Variants in LRRK1 observed in about 807,000 individuals in gnomAD.
LRRK1 encodes leucine rich repeat kinase 1, also known as leucine-rich repeat serine/threonine-protein kinase 1.
Under a neutral mutation model 209.1 loss-of-function variants are expected in LRRK1, and 113 were observed. That is an observed-to-expected ratio of 0.54 (90% CI 0.46 to 0.63). LRRK1 has a LOEUF of 0.63. Ranked by LOEUF, LRRK1 falls within the 30% of genes least tolerant of loss-of-function variation. The pLI, the probability that LRRK1 is intolerant of heterozygous loss-of-function variation, is 0.00. For missense variants in LRRK1, 2,284 were observed against 2,632.2 expected (o/e 0.87, Z 2.89); for synonymous variants, 1,144 against 1,099.7 (o/e 1.04, Z -0.80).
rs796799026 is a variant in LRRK1 at position 100,946,512 on chromosome 15, G to T, written c.97+21783G>T. Among the ~76,000 whole-genome samples the T allele has an allele frequency of 6.6e-5, 10 of 152,184 alleles. 1 individual carries two copies. Among genetic ancestry groups the T allele is most frequent in the African/African-American group, 2.4e-4 (10 of 41,506 alleles). On this transcript the variant is annotated intron_variant, in intron 2 of 33. Coordinates refer to ENST00000388948, the MANE Select transcript of LRRK1 (RefSeq NM_024652.6). ...ATTAGTCCAGGAAAGGTTTATTTGGGAATAGCATAGGGGTAACATATTGCT... is the reference window on the plus strand; with the variant it reads ...ATTAGTCCAGGAAAGGTTTATTTGGTAATAGCATAGGGGTAACATATTGCT...
At chr15:101,058,313 C>T (rs1442885563) in intron 29 of LRRK1, among the ~76,000 whole-genome samples, 172 bp downstream of exon 29, 1 of 152,142 alleles carries the variant, frequency 6.6e-6, no homozygotes, top group Non-Finnish European at 1.5e-5. Flanking sequence ...AGAAAGTCCA[C>T]ACAAAGAGAC....
intron 2 of LRRK1, among the ~76,000 whole-genome samples, chr15:100,926,886 T>C (rs1002110415): frequency 2.0e-5 from 3 of 152,100 alleles, no homozygotes; most frequent in Middle Eastern, 3.2e-3. Context: ...AGTTTCACCA[T>C]GTTGGCCAGG....
intron 2 of LRRK1, among the ~76,000 whole-genome samples, chr15:100,928,391 A>C (rs1333617873): frequency 6.6e-6 from 1 of 151,984 alleles, no homozygotes; most frequent in Non-Finnish European, 1.5e-5. Context: ...CTTCTCCTAG[A>C]CTTCCTGGGA....
At position 101,048,755 on chromosome 15, in the gene LRRK1, AATTTTGCTCGTGAGAGCGGCTCGTC is replaced by A. The variant is rs1434167533; in HGVS notation, c.3299+101_3299+125del. 4 of 1,086,532 alleles carry A rather than the reference AATTTTGCTCGTGAGAGCGGCTCGTC, an allele frequency of 3.7e-6. No homozygotes were observed. The African/African-American group carries it at 5.0e-5, about 13-fold the overall frequency. 67.3% of individuals were successfully genotyped at this position (1,086,532 alleles called of 1,614,324 possible). On this transcript the variant is annotated intron_variant, in intron 22 of 33. Coordinates refer to ENST00000388948, the MANE Select transcript of LRRK1 (RefSeq NM_024652.6). ...GATGCCTCATCCTCTTGGTGTCCAG[AATTTTGCTCGTGAGAGCGGCTCGTC>A]ATGGCAGCTTGCTAGAAATGTGAGG...
chr15:101,014,295 C>G, intron 10 of LRRK1, 21 bp from the exon 11 acceptor site: 1 of 1,542,064 alleles, frequency 6.5e-7, no homozygotes, highest in Non-Finnish European at 8.9e-7. Context: ...TAGCTTCTCT[C>G]TCCCTCCCTC....
chr15:101,065,955 T>C lies in LRRK1; in HGVS notation c.5518T>C (p.Ser1840Pro). 1 of 1,614,098 alleles carries C rather than the reference T, an allele frequency of 6.2e-7. No individual in the cohort carries two copies. The part of the protein sequence containing the change: ...IHQESLTDYC[S>P]MSSYSSSPPR... The stretch of plus-strand genomic sequence containing the variant: ...CCAGGAATCACTCACTGACTACTGC[T>C]CCATGTCCTCCTACTCCTCATCCCC... The change falls in exon 32 of 34, where the codon TCC becomes CCC. Residue 1840 changes from serine (S) to proline (P), a missense_variant. Transcript: ENST00000388948.
chr15:101,068,679 T>C lies in LRRK1; in HGVS notation c.5879T>C (p.Val1960Ala). 1 of 1,597,344 alleles carries C rather than the reference T, an allele frequency of 6.3e-7. No individual in the cohort carries two copies. Among genetic ancestry groups the C allele is most frequent in the Non-Finnish European group, 8.5e-7 (1 of 1,170,176 alleles). Residue 1960 changes from valine to alanine, a missense_variant, in exon 34 of 34, where the codon GTG becomes GCG. Physicochemically the swap from Val to Ala is moderately conservative, Grantham distance 64. Around this residue, in one of 6 missense-constraint regions of LRRK1, gnomAD observed 643 missense variants for 695.9 expected, o/e 0.92. Transcript: ENST00000388948. ...ARELTPHGVL[V>A]DAAVVAKDTV... ...CCCCCTTCTCTCTGCAGGGTGCTGG[T>C]GGATGCTGCCGTGGTGGCAAAGGAC...
At chr15:100,990,829 G>T (rs1438014926) in intron 6 of LRRK1, among the ~76,000 whole-genome samples, 1 of 150,886 alleles carries the variant, frequency 6.6e-6, no homozygotes, top group Non-Finnish European at 1.5e-5. Flanking sequence ...TGATAGCAAA[G>T]GTAAAATAAT....
rs748999992 is a variant in LRRK1, at chr15:101,053,365, C to T, written c.3999C>T (p.Ala1333=). The T allele has an allele frequency of 1.2e-5, 19 of 1,601,720 alleles. No homozygotes were observed. Among genetic ancestry groups the T allele is most frequent in the Non-Finnish European group, 1.6e-5 (19 of 1,179,848 alleles). Residue 1333 remains alanine (A), a synonymous_variant, in exon 26 of 34, where the codon GCC becomes GCT. Coordinates refer to ENST00000388948, the MANE Select transcript of LRRK1 (RefSeq NM_024652.6). ...TCAGCATCCACCCGCTCTGCTTCGC[C>T]CTGGAGCTCGCGCCGCTCAGCAGCC... ...IGISIHPLCF[A]LELAPLSSLN... is the part of the protein sequence containing the mutation.
At chr15:101,003,462 A>G (rs2032798136) in intron 6 of LRRK1, among the ~76,000 whole-genome samples, 1 of 152,156 alleles carries the variant, frequency 6.6e-6, no homozygotes, top group Non-Finnish European at 1.5e-5. Flanking sequence ...CATACTTGAG[A>G]CTGGGTAATT....
At chr15:101,053,200 T>A (rs1285792800) in intron 25 of LRRK1, 23 bp from the exon 26 acceptor site, 10 of 1,600,448 alleles carry the variant, frequency 6.2e-6, no homozygotes, top group Non-Finnish European at 8.5e-6. Context: ...TCCTACTGGC[T>A]GACACTGCGC....
intron 3 of LRRK1, 89 bp downstream of exon 3, chr15:100,974,056 ACGGT>A: frequency 9.0e-7 from 1 of 1,105,944 alleles, no homozygotes; most frequent in Non-Finnish European, 1.1e-6. Flanking sequence ...TATTGTCATA[ACGGT>A]AATGGGCGTT....
In LRRK1 at chr15:100,934,663, G is replaced by T. The variant is rs60722485; in HGVS notation, c.97+9934G>T. 2.2e-4 allele frequency among the ~76,000 whole-genome samples: 33 copies of T among 149,118 alleles called. 1 individual carries two copies. The highest frequency in any genetic ancestry group is 7.7e-4 in the African/African-American group (31 of 40,478). Reference sequence around the variant, plus strand: ...AAAAAAAAAAAAAAATTAGCCGGTCGTGGAGGCACACACCTGTGGTCCCAG... The same window carrying T: ...AAAAAAAAAAAAAAATTAGCCGGTCTTGGAGGCACACACCTGTGGTCCCAG... On this transcript the variant is annotated intron_variant, in intron 2 of 33. Transcript: ENST00000388948.
Position 100,973,884 on chromosome 15 carries a change from G to T in LRRK1, c.178G>T (p.Ala60Ser). 7.8e-7 allele frequency: 1 copy of T among 1,278,654 alleles called. No individual in the cohort carries two copies. 79.2% of individuals were successfully genotyped at this position (1,278,654 alleles called of 1,614,324 possible). ...ARSRRTEGIR[A>S]AYRRGDRGGA... is the part of the protein sequence containing the mutation. ...GTCCCGCAGGACGGAAGGCATCCGCGCCGCGTACAGGCGGGGAGACCGCGG... is the reference window on the plus strand; with the variant it reads ...GTCCCGCAGGACGGAAGGCATCCGCTCCGCGTACAGGCGGGGAGACCGCGG... The change falls in exon 3 of 34, where the codon GCC (alanine) becomes TCC (serine). Residue 60 changes from alanine (A) to serine (S), a missense_variant. By Grantham distance (99) the Ala-to-Ser change is moderately conservative. Coordinates refer to ENST00000388948, the MANE Select transcript of LRRK1 (RefSeq NM_024652.6).
intron 10 of LRRK1, 100 bp from the exon 11 acceptor site, chr15:101,014,216 T>G: frequency 1.2e-6 from 1 of 815,154 alleles, no homozygotes; most frequent in Non-Finnish European, 2.0e-6. Context: ...TTGGAATCGT[T>G]TGACTGCGCG....
At chr15:101,013,292 A>G (rs750197402) in intron 10 of LRRK1, among the ~76,000 whole-genome samples, 5 of 152,194 alleles carry the variant, frequency 3.3e-5, no homozygotes, top group Non-Finnish European at 7.4e-5. Flanking sequence ...GGAAGGAGAC[A>G]AAAGCACCAG....
In LRRK1 at chr15:101,053,328, C is replaced by T. The variant is rs759654951; in HGVS notation, c.3962C>T (p.Ala1321Val). ...GCGCTGCAGCACCCCTGCATCGTGGCGCTCATCGGCATCAGCATCCACCCG... is the reference window on the plus strand; with the variant it reads ...GCGCTGCAGCACCCCTGCATCGTGGTGCTCATCGGCATCAGCATCCACCCG... ...LHALQHPCIV[A>V]LIGISIHPLC... Residue 1321 changes from alanine (A) to valine (V), a missense_variant, in exon 26 of 34, where the codon GCG becomes GTG. This residue lies in a region of LRRK1 where 780 missense variants were observed against 985.2 expected (regional missense o/e 0.79). Transcript: ENST00000388948. 60 of 1,604,412 alleles carry T rather than the reference C, an allele frequency of 3.7e-5. No homozygotes were observed. The Middle Eastern group carries it at 4.9e-4, about 13-fold the overall frequency.
intron 31 of LRRK1, chr15:101,064,599 G>C (rs1364971112): frequency 6.5e-6 from 1 of 153,164 alleles, no homozygotes; most frequent in Non-Finnish European, 1.5e-5. Flanking sequence ...GGGGCACCCT[G>C]AGGACCCTGT....
At chr15:100,933,533 T>G (rs1343195300) in intron 2 of LRRK1, among the ~76,000 whole-genome samples, 2 of 152,122 alleles carry the variant, frequency 1.3e-5, no homozygotes, top group Non-Finnish European at 2.9e-5. Context: ...TTAATGTTTA[T>G]AAACTTTTGA....
Sources: allele counts gnomAD v4.1 joint callset (sites outside exome capture counted in the v4.1 genomes callset), GRCh38; gene constraint gnomAD v4.1.1; regional missense constraint gnomAD v4.1.1; transcripts MANE v1.5; gene names NCBI Gene and HGNC (gene_info 2026-07-23, HGNC 2026-07-21).